Variants in THSD7B observed in about 807,000 individuals in gnomAD.
The protein encoded by THSD7B is thrombospondin type-1 domain-containing protein 7B.
THSD7B carries 138 observed loss-of-function variants against 213.6 expected under a neutral mutation model. That is an observed-to-expected ratio of 0.65 (90% confidence interval 0.56 to 0.74). The LOEUF (loss-of-function observed/expected upper bound fraction) is 0.74. THSD7B is among the 30% of genes least tolerant of loss of function. The pLI is 0.00. For synonymous variants in THSD7B, 742 were observed against 687.0 expected (o/e 1.08, Z -1.25); for missense variants, 1,931 against 1,991.5 (o/e 0.97, Z 0.58).
chr2:136,989,102 T>C (rs1007149626), intron 2 of THSD7B, among the ~76,000 whole-genome samples: 3 of 152,210 alleles, frequency 2.0e-5, no homozygotes, highest in African/African-American at 4.8e-5. Flanking sequence ...GACATTCTCA[T>C]TGAGACTGAA....
At chr2:136,834,608 G>A (rs1446611145) in intron 1 of THSD7B, among the ~76,000 whole-genome samples, 3 of 151,878 alleles carry the variant, frequency 2.0e-5, no homozygotes, top group Non-Finnish European at 4.4e-5. Flanking sequence ...AGGACTAGGG[G>A]TATAGTGTTA....
At chr2:137,065,718 T>G (rs1687362200) in intron 3 of THSD7B, among the ~76,000 whole-genome samples, 1 of 152,120 alleles carries the variant, frequency 6.6e-6, no homozygotes, top group Non-Finnish European at 1.5e-5. Context: ...CTTAAACATT[T>G]TTTATGGTTT....
intron 12 of THSD7B, among the ~76,000 whole-genome samples, chr2:137,283,415 G>A (rs1292647612): frequency 1.3e-5 from 2 of 152,012 alleles, no homozygotes; most frequent in African/African-American, 2.4e-5. Context: ...GATTGCCCTG[G>A]CCAGAACTTC....
chr2:136,955,720 G>A (rs1489354250), intron 2 of THSD7B, among the ~76,000 whole-genome samples: 3 of 152,156 alleles, frequency 2.0e-5, no homozygotes, highest in African/African-American at 7.2e-5. Flanking sequence ...TTCATTCATA[G>A]GAGGCAGCAG....
rs746405358 is a variant in THSD7B, at chr2:137,616,258, A to G, written c.3507A>G (p.Ser1169=). ...ACTCAAGGACTTGTGCTGAAGACTC[A>G]CAGGTGCAGCCTTGCCTCCTGAATG... ...SLNSRTCAED[S]QVQPCLLNEN... is the part of the protein sequence containing the mutation. Residue 1169 remains serine, a synonymous_variant, in exon 18 of 28, where the codon TCA becomes TCG. Transcript: ENST00000409968. 1.9e-5 allele frequency: 30 copies of G among 1,612,266 alleles called. No individual in the cohort carries two copies. Among genetic ancestry groups the G allele is most frequent in the Non-Finnish European group, 2.3e-5 (27 of 1,178,514 alleles).
intron 14 of THSD7B, among the ~76,000 whole-genome samples, chr2:137,443,358 G>A (rs1445826046): frequency 6.6e-6 from 1 of 152,086 alleles, no homozygotes; most frequent in East Asian, 1.9e-4. Flanking sequence ...AATCCTGTGT[G>A]TACCAAGATA....
rs953728208 is a variant in THSD7B, at chr2:137,518,385, T to G, written c.3139-44836T>G. The stretch of plus-strand genomic sequence containing the variant: ...GAATTTCAAGCACTGTGCCTGGTTG[T>G]GCACTTTGCATGGAAGGAGAAATGG... On this transcript the variant is annotated intron_variant, in intron 15 of 27. Coordinates refer to ENST00000409968, the MANE Select transcript of THSD7B (RefSeq NM_001316349.2). 3.3e-5 allele frequency among the ~76,000 whole-genome samples: 5 copies of G among 152,182 alleles called. No homozygotes were observed. In the East Asian group the frequency reaches 9.6e-4, roughly 29 times the overall value.
At chr2:137,263,766 G>A (rs1682509165) in intron 10 of THSD7B, among the ~76,000 whole-genome samples, 1 of 152,116 alleles carries the variant, frequency 6.6e-6, no homozygotes, top group African/African-American at 2.4e-5. Context: ...AGATGCTGCT[G>A]TTGATGTATC....
chr2:136,939,023 G>A (rs1029799420), intron 2 of THSD7B, among the ~76,000 whole-genome samples: 4 of 152,066 alleles, frequency 2.6e-5, no homozygotes, highest in Non-Finnish European at 4.4e-5. Flanking sequence ...TTTGCTGTTC[G>A]TTGAGTCCCT....
chr2:137,368,386 A>G lies in THSD7B; in HGVS notation c.2501-37227A>G, dbSNP rs572898843. Among the ~76,000 whole-genome samples, 6 of 151,894 alleles carry G rather than the reference A, an allele frequency of 4.0e-5. No individual in the cohort carries two copies. The East Asian group carries it at 1.2e-3, about 29-fold the overall frequency. ...AATTTTTTAAAAAGTGTTAATCATT[A>G]TCTTAGGCATTTTTTTCAAGTCTTT... On this transcript the variant is annotated intron_variant, in intron 12 of 27. Transcript: ENST00000409968.
intron 7 of THSD7B, among the ~76,000 whole-genome samples, chr2:137,185,760 G>C (rs983676343): frequency 1.1e-4 from 16 of 152,138 alleles, no homozygotes; most frequent in African/African-American, 3.6e-4. Context: ...ATACTCAGTA[G>C]TGAGATTGCA....
At chr2:136,790,196 G>A (rs1174941835) in intron 1 of THSD7B, among the ~76,000 whole-genome samples, 2 of 151,496 alleles carry the variant, frequency 1.3e-5, no homozygotes, top group Admixed American at 6.6e-5. Flanking sequence ...TTAGAGAACA[G>A]GTTTTGAAAC....
chr2:136,898,414 T>C (rs1378981509), intron 2 of THSD7B, among the ~76,000 whole-genome samples: 1 of 152,146 alleles, frequency 6.6e-6, no homozygotes, highest in Non-Finnish European at 1.5e-5. Context: ...TCAGGTGATC[T>C]GCCCGCCTCC....
intron 17 of THSD7B, among the ~76,000 whole-genome samples, chr2:137,604,525 C>T (rs995211500): frequency 1.3e-5 from 2 of 152,092 alleles, no homozygotes; most frequent in Admixed American, 1.3e-4. Context: ...TATCTATCAT[C>T]TAGGTTATCC....
chr2:137,534,351 G>T (rs1000753700), intron 15 of THSD7B, among the ~76,000 whole-genome samples: 3 of 151,612 alleles, frequency 2.0e-5, no homozygotes, highest in Admixed American at 2.0e-4. Flanking sequence ...GTGAATACAG[G>T]ATAGTATTTT....
intron 16 of THSD7B, among the ~76,000 whole-genome samples, chr2:137,570,086 G>T (rs1681323318): frequency 6.6e-6 from 1 of 151,570 alleles, no homozygotes; most frequent in Admixed American, 6.6e-5. Context: ...TGCCACAGAA[G>T]AAATTAAAGT....
chr2:136,868,031 G>A (rs993002264), intron 1 of THSD7B, among the ~76,000 whole-genome samples: 1 of 151,946 alleles, frequency 6.6e-6, no homozygotes, highest in African/African-American at 2.4e-5. Context: ...AGTGGTAAAT[G>A]AAATATACTT....
At chr2:137,094,828 T>C in intron 3 of THSD7B, 45 bp from the exon 4 acceptor site, 1 of 1,582,878 alleles carries the variant, frequency 6.3e-7, no homozygotes, top group Non-Finnish European at 8.6e-7. Flanking sequence ...GTTAGTTGCA[T>C]CCATTAATAT....
chr2:137,572,539 T>C lies in THSD7B; in HGVS notation c.3406T>C (p.Trp1136Arg), dbSNP rs1681377421. The C allele has an allele frequency of 1.2e-6, 2 of 1,613,908 alleles. No individual in the cohort carries two copies. The highest frequency in any genetic ancestry group is 1.1e-5 in the South Asian group (1 of 91,078). The change falls in exon 17 of 28, where the codon TGG becomes CGG. Residue 1136 changes from tryptophan (W) to arginine (R), a missense_variant. Transcript: ENST00000409968. ...GTGTGTCATGTCTGAGTGGGGACTTTGGAGCAAATGCCCACAGGTAATTTC... is the reference window on the plus strand; with the variant it reads ...GTGTGTCATGTCTGAGTGGGGACTTCGGAGCAAATGCCCACAGGTAATTTC... ...NECVMSEWGL[W>R]SKCPQSCDPH...
Sources: gnomAD v4.1 joint callset for allele counts (sites outside exome capture counted in the v4.1 genomes callset) on GRCh38, gnomAD v4.1.1 for gene constraint, MANE v1.5 for transcripts, NCBI Gene and HGNC (gene_info 2026-07-23, HGNC 2026-07-21) for gene names.